WDR72: variants seen among roughly 807,000 people sequenced by gnomAD.
The protein encoded by WDR72 is WD repeat-containing protein 72.
WDR72 carries 120 observed loss-of-function variants against 124.2 expected under a neutral mutation model. The observed-to-expected ratio is 0.97, with a 90% CI of 0.83 to 1.12. The LOEUF is 1.12. Ranked by LOEUF, WDR72 falls within the 50% of genes most tolerant of loss-of-function variation. The pLI, the probability that WDR72 is intolerant of heterozygous loss-of-function variation, is 0.00. For missense variants in WDR72, 1,387 were observed against 1,278.8 expected, an observed-to-expected ratio of 1.08 and a Z score of -1.29; for synonymous variants, 452 against 441.7, an observed-to-expected ratio of 1.02 and a Z score of -0.29.
chr15:53,730,305 T>C (rs2018163867), intron 2 of WDR72, among the ~76,000 whole-genome samples: 1 of 152,222 alleles, frequency 6.6e-6, no homozygotes, highest in Admixed American at 6.5e-5. Context: ...AGGAGATATA[T>C]AGAATAGTCA....
At chr15:53,557,231 G>A (rs1211065920) in intron 18 of WDR72, among the ~76,000 whole-genome samples, 1 of 152,064 alleles carries the variant, frequency 6.6e-6, no homozygotes, top group East Asian at 1.9e-4. Flanking sequence ...AGCTTTCTAA[G>A]GTTAGGAAGT....
intron 1 of WDR72, among the ~76,000 whole-genome samples, chr15:53,748,317 C>G (rs547390631): frequency 2.6e-5 from 4 of 152,252 alleles, no homozygotes; most frequent in African/African-American, 9.6e-5. Flanking sequence ...TGCCTAATAT[C>G]TCTCTTTAAA....
At chr15:53,533,149 C>T (rs1293822115) in intron 18 of WDR72, among the ~76,000 whole-genome samples, 1 of 152,040 alleles carries the variant, frequency 6.6e-6, no homozygotes, top group Non-Finnish European at 1.5e-5. Context: ...TGTGTGTCTC[C>T]AGTTACTGTT....
chr15:53,537,947 T>A (rs1341934388), intron 18 of WDR72, among the ~76,000 whole-genome samples: 2 of 152,208 alleles, frequency 1.3e-5, no homozygotes, highest in Non-Finnish European at 2.9e-5. Flanking sequence ...CATTTGTATC[T>A]ATTAACTAAA....
chr15:53,519,826 T>C (rs1395502785), intron 19 of WDR72, among the ~76,000 whole-genome samples: 3 of 152,050 alleles, frequency 2.0e-5, no homozygotes, highest in Admixed American at 6.6e-5. Flanking sequence ...TTGTGACCTA[T>C]ATGCAGACTG....
intron 18 of WDR72, among the ~76,000 whole-genome samples, chr15:53,594,324 C>T (rs1047225911): frequency 2.7e-5 from 4 of 149,568 alleles, no homozygotes; most frequent in East Asian, 2.0e-4. Flanking sequence ...AATTAAGAAA[C>T]GAGGGGAGGG....
intron 13 of WDR72, among the ~76,000 whole-genome samples, chr15:53,695,715 T>C: frequency 6.6e-6 from 1 of 152,040 alleles, no homozygotes; most frequent in African/African-American, 2.4e-5. Flanking sequence ...ACCCCAAAAT[T>C]TACCCTGTCA....
intron 14 of WDR72, among the ~76,000 whole-genome samples, chr15:53,659,792 T>C (rs1249412631): frequency 2.0e-5 from 3 of 152,116 alleles, no homozygotes; most frequent in South Asian, 2.1e-4. Flanking sequence ...TAAACAGTTA[T>C]ACACTGTCAA....
At chr15:53,611,958 G>A (rs1451349384) in intron 16 of WDR72, among the ~76,000 whole-genome samples, 1 of 152,058 alleles carries the variant, frequency 6.6e-6, no homozygotes, top group African/African-American at 2.4e-5. Context: ...CCCATCCTAT[G>A]GATCATATGC....
chr15:53,536,598 G>A (rs1355061808), intron 18 of WDR72, among the ~76,000 whole-genome samples: 1 of 152,100 alleles, frequency 6.6e-6, no homozygotes, highest in Non-Finnish European at 1.5e-5. Flanking sequence ...GTAAATGGGT[G>A]GATGAATGTA....
intron 12 of WDR72, among the ~76,000 whole-genome samples, chr15:53,700,225 A>C (rs1258225883): frequency 6.6e-6 from 1 of 152,202 alleles, no homozygotes; most frequent in Non-Finnish European, 1.5e-5. Context: ...CACTCAGCAA[A>C]TTCAGGCAGC....
intron 13 of WDR72, among the ~76,000 whole-genome samples, chr15:53,672,832 T>C (rs2016041325): frequency 1.3e-5 from 2 of 152,232 alleles, no homozygotes; most frequent in Non-Finnish European, 1.5e-5. Context: ...TGTCTTCTAC[T>C]TAAATATTTT....
chr15:53,546,899 C>T lies in WDR72; in HGVS notation c.3149-23577G>A, dbSNP rs184809312. Among the ~76,000 whole-genome samples the T allele has an allele frequency of 2.0e-5, 3 of 152,012 alleles. No homozygotes were observed. In the East Asian group the frequency reaches 5.8e-4, roughly 29 times the overall value. On this transcript the variant is annotated intron_variant, in intron 18 of 19. Transcript: ENST00000360509. ...AATTAGTTTGAAAATCTAGATTAAA[C>T]AAGTAATTCTCTGGAAAACTTGGTA...
rs886051303 is a variant in WDR72 at position 53,715,299 on chromosome 15, G to T, written c.408C>A (p.Val136=). The T allele has an allele frequency of 6.2e-7, 1 of 1,614,080 alleles. No individual in the cohort carries two copies. Among genetic ancestry groups the T allele is most frequent in the South Asian group, 1.1e-5 (1 of 91,076 alleles). ...CCAAAGTTTTGGCATCAATTATAAG[G>T]ACATCTTGATATTCTCCACAACAAA... ...WLLCCGEYQD[V]LIIDAKTLAV... Residue 136 remains valine, a synonymous_variant, in exon 5 of 20, where the codon GTC becomes GTA. Coordinates refer to ENST00000360509, the MANE Select transcript of WDR72 (RefSeq NM_182758.4).
chr15:53,708,684 A>G (rs536660905), intron 9 of WDR72, among the ~76,000 whole-genome samples: 2 of 152,144 alleles, frequency 1.3e-5, no homozygotes, highest in African/African-American at 4.8e-5. Context: ...TTTTGTCATC[A>G]TCATCACCAT....
chr15:53,580,460 C>T (rs1372081203), intron 18 of WDR72, among the ~76,000 whole-genome samples: 4 of 152,066 alleles, frequency 2.6e-5, no homozygotes, highest in Admixed American at 2.6e-4. Context: ...AGTGTAATAG[C>T]CATTTGCAAA....
intron 5 of WDR72, 65 bp from the exon 6 acceptor site, chr15:53,714,575 T>C: frequency 7.7e-7 from 1 of 1,293,254 alleles, no homozygotes; most frequent in Non-Finnish European, 1.1e-6. Context: ...TAAAAATCAT[T>C]TCACAGTCAT....
chr15:53,663,105 A>AATAG (rs1567012354), intron 14 of WDR72, among the ~76,000 whole-genome samples: 1 of 151,290 alleles, frequency 6.6e-6, no homozygotes, highest in Non-Finnish European at 1.5e-5. Flanking sequence ...TAAATAAATA[A>AATAG]ATAAATAAAT....
chr15:53,569,461 G>A (rs996898081), intron 18 of WDR72, among the ~76,000 whole-genome samples: 4 of 152,048 alleles, frequency 2.6e-5, no homozygotes, highest in Non-Finnish European at 4.4e-5. Flanking sequence ...TGAAGCACGT[G>A]TCTATCAGCT....
Sources: gnomAD v4.1 joint callset for allele counts (sites outside exome capture counted in the v4.1 genomes callset) on GRCh38, gnomAD v4.1.1 for gene constraint, MANE v1.5 for transcripts, NCBI Gene and HGNC (gene_info 2026-07-23, HGNC 2026-07-21) for gene names.